EPB42: variants seen among roughly 807,000 people sequenced by gnomAD.
EPB42 encodes the protein protein 4.2.
Under a neutral mutation model 76.9 loss-of-function variants are expected in EPB42, and 49 were observed. That is an observed-to-expected ratio of 0.64 (90% CI 0.51 to 0.81). The LOEUF is 0.81. EPB42 is among the 30% of genes least tolerant of loss of function. The pLI, the probability that EPB42 is intolerant of heterozygous loss-of-function variation, is 0.00. For missense variants in EPB42, 731 were observed against 867.6 expected (o/e 0.84, Z 1.98); for synonymous variants, 310 against 338.4 (o/e 0.92, Z 0.92).
At chr15:43,213,890 G>A (rs1174163235) in intron 3 of EPB42, among the ~76,000 whole-genome samples, 3 of 152,240 alleles carry the variant, frequency 2.0e-5, no homozygotes, top group African/African-American at 7.2e-5. Context: ...AGAAGAAGTG[G>A]AGAGAGAACC....
chr15:43,207,834 T>A (rs1214120578), intron 8 of EPB42, among the ~76,000 whole-genome samples: 1 of 152,202 alleles, frequency 6.6e-6, no homozygotes, highest in Non-Finnish European at 1.5e-5. Flanking sequence ...AGCTATCTTT[T>A]TGTGGGTCCT....
Position 43,203,129 on chromosome 15 carries a change from G to T in EPB42, c.1765C>A (p.His589Asn). The T allele has an allele frequency of 6.2e-7, 1 of 1,614,132 alleles. No individual in the cohort carries two copies. Among genetic ancestry groups the T allele is most frequent in the Non-Finnish European group, 8.5e-7 (1 of 1,180,020 alleles). The change falls in exon 11 of 13, where the codon CAC becomes AAC. Residue 589 changes from histidine to asparagine, a missense_variant. Transcript: ENST00000441366. ...CTGGTGCCTACCTTGATGGCAAGGT[G>T]TGGTCTACAAATGGCAATGTCTTCC... is the stretch of plus-strand genomic sequence containing the variant. The part of the protein sequence containing the change: ...AQEDIAICRP[H>N]LAIKMPEKAE...
At chr15:43,207,996 C>T (rs568846295) in intron 8 of EPB42, among the ~76,000 whole-genome samples, 2 of 152,354 alleles carry the variant, frequency 1.3e-5, no homozygotes, top group South Asian at 4.1e-4. Context: ...CCCTCACCCA[C>T]AGCTCTAAGG....
chr15:43,218,703 C>T (rs2042414434), intron 1 of EPB42, among the ~76,000 whole-genome samples: 1 of 152,204 alleles, frequency 6.6e-6, no homozygotes, highest in Non-Finnish European at 1.5e-5. Context: ...TCAGATACAT[C>T]ACAGGGGCCT....
At chr15:43,201,475 A>C (rs2042124374) in intron 12 of EPB42, among the ~76,000 whole-genome samples, 1 of 152,248 alleles carries the variant, frequency 6.6e-6, no homozygotes, top group African/African-American at 2.4e-5. Context: ...TGTGGTGGTG[A>C]CTACCAGAAT....
At position 43,210,322 on chromosome 15, in the gene EPB42, G is replaced by C. The variant is rs750003231; in HGVS notation, c.654+13C>G. The C allele has an allele frequency of 4.0e-5, 64 of 1,611,302 alleles. No individual in the cohort carries two copies. The highest frequency in any genetic ancestry group is 6.7e-5 in the Admixed American group (4 of 59,996). On this transcript the variant is annotated intron_variant, in intron 5 of 12. Transcript: ENST00000441366. ...ACCCCTGCCCCATTCTGGTTCCCCA[G>C]CCTCTCGCTTACCAAGGCACCCAAC... is the stretch of plus-strand genomic sequence containing the variant.
chr15:43,219,025 G>A (rs1022880372), intron 1 of EPB42, among the ~76,000 whole-genome samples: 7 of 152,156 alleles, frequency 4.6e-5, no homozygotes, highest in Non-Finnish European at 7.3e-5. Context: ...TGCCTCAGAT[G>A]TGCCCCTCAA....
chr15:43,203,415 T>C, intron 10 of EPB42, 140 bp from the exon 11 acceptor site: 1 of 1,117,158 alleles, frequency 9.0e-7, no homozygotes. Flanking sequence ...ATTGTACACT[T>C]GGAACTCACT....
rs903054768 is a variant in EPB42 at position 43,207,516 on chromosome 15, G to C, written c.1076-75C>G. The C allele has an allele frequency of 4.4e-6, 7 of 1,599,308 alleles. No individual in the cohort carries two copies. In the African/African-American group the frequency reaches 8.0e-5, roughly 18 times the overall value. On this transcript the variant is annotated intron_variant, in intron 8 of 12. Coordinates refer to ENST00000441366, the MANE Select transcript of EPB42 (RefSeq NM_001114134.2). Reference sequence around the variant, plus strand: ...CTCAGTTCAGAACTGCGTAACCTCAGTCCCCATCCTCTAGCCTATTTTCCC... The same window carrying C: ...CTCAGTTCAGAACTGCGTAACCTCACTCCCCATCCTCTAGCCTATTTTCCC...
At chr15:43,205,839 T>TA (rs567922581) in intron 10 of EPB42, among the ~76,000 whole-genome samples, 125 of 152,110 alleles carry the variant, frequency 8.2e-4, no homozygotes, top group African/African-American at 2.9e-3. Context: ...CACAGGGTGT[T>TA]AAAAAAAGAA....
At chr15:43,221,519 C>T (rs2042459984), upstream of EPB42, among the ~76,000 whole-genome samples, 1 of 152,202 alleles carries the variant, frequency 6.6e-6, no homozygotes, top group Admixed American at 6.5e-5. Flanking sequence ...TATCTTGGGA[C>T]TCAGGCCCTA....
upstream of EPB42, chr15:43,221,181 A>G (rs1358458749): frequency 1.1e-5 from 4 of 359,526 alleles, no homozygotes; most frequent in Non-Finnish European, 2.1e-5. Context: ...CAAACCTTGA[A>G]GCCTCTTGCT....
upstream of EPB42, among the ~76,000 whole-genome samples, chr15:43,224,047 G>C (rs1226442873): frequency 6.6e-6 from 1 of 152,166 alleles, no homozygotes; most frequent in African/African-American, 2.4e-5. Flanking sequence ...CCTCTACGGA[G>C]AGTGTTAGTC....
chr15:43,210,444 T>C lies in EPB42; in HGVS notation c.550-5A>G. 1 of 1,612,952 alleles carries C rather than the reference T, an allele frequency of 6.2e-7. No individual in the cohort carries two copies. The highest frequency in any genetic ancestry group is 8.5e-7 in the Non-Finnish European group (1 of 1,179,604). On this transcript the variant is annotated splice_region_variant and splice_polypyrimidine_tract_variant and intron_variant, in intron 4 of 12. Coordinates refer to ENST00000441366, the MANE Select transcript of EPB42 (RefSeq NM_001114134.2). The stretch of plus-strand genomic sequence containing the variant: ...GTCAATGACATCCCCCTCGAACTGT[T>C]AAGGATCACACAGGGCCATGATGAA...
chr15:43,216,193 C>T (rs972878172), intron 2 of EPB42, 75 bp downstream of exon 2: 13 of 1,572,380 alleles, frequency 8.3e-6, no homozygotes, highest in Non-Finnish European at 1.1e-5. Context: ...TCCCTTGATT[C>T]CCTAACAGGG....
At position 43,220,963 on chromosome 15, in the gene EPB42, T is replaced by C; in HGVS notation, c.-138A>G. On this transcript the variant is annotated 5_prime_UTR_variant, in exon 1 of 13. Coordinates refer to ENST00000441366, the MANE Select transcript of EPB42 (RefSeq NM_001114134.2). ...TTTTGTTGGCTTAAGAATCTGGAAA[T>C]AGCAAAACCTCCCCCCACTACTCCT... is the stretch of plus-strand genomic sequence containing the variant. The C allele has an allele frequency of 1.4e-6, 1 of 738,258 alleles. No individual in the cohort carries two copies. The highest frequency in any genetic ancestry group is 2.7e-5 in the East Asian group (1 of 37,170). 45.7% of individuals were successfully genotyped at this position (738,258 alleles called of 1,614,324 possible). A position where few individuals can be genotyped will look rare whatever the true frequency, so the allele number is the denominator to read the frequency against.
intron 3 of EPB42, among the ~76,000 whole-genome samples, chr15:43,214,485 G>A (rs1228489461): frequency 1.3e-5 from 2 of 152,196 alleles, no homozygotes; most frequent in East Asian, 1.9e-4. Context: ...CCGGAAGAGA[G>A]GAGCAAAGAC....
intron 10 of EPB42, among the ~76,000 whole-genome samples, chr15:43,204,135 G>A (rs182748426): frequency 1.8e-3 from 275 of 152,194 alleles, no homozygotes; most frequent in Admixed American, 3.6e-3. Context: ...ATGCCTCCAG[G>A]GAGGACTAGA....
At chr15:43,212,499 C>T (rs1480669946) in intron 3 of EPB42, among the ~76,000 whole-genome samples, 1 of 152,008 alleles carries the variant, frequency 6.6e-6, no homozygotes, top group Non-Finnish European at 1.5e-5. Context: ...GTCTTTCCCA[C>T]AAATTCAATT....
Sources: allele counts gnomAD v4.1 joint callset (sites outside exome capture counted in the v4.1 genomes callset), GRCh38; gene constraint gnomAD v4.1.1; transcripts MANE v1.5; gene names NCBI Gene and HGNC (gene_info 2026-07-23, HGNC 2026-07-21).